DRICH1: variants seen among roughly 807,000 people sequenced by gnomAD.
The protein encoded by DRICH1 is aspartate rich 1, also known as aspartate-rich protein 1.
In DRICH1, 38 loss-of-function variants were observed where a neutral mutation model predicts 39.5. The ratio of observed to expected loss-of-function variants is 0.96; its 90% CI spans 0.74 to 1.26. The LOEUF is 1.26. DRICH1 is among the 50% of genes most tolerant of loss of function. DRICH1 has a pLI of 0.00. For synonymous variants in DRICH1, 84 were observed against 99.5 expected, an observed-to-expected ratio of 0.84 and a Z score of 0.93; for missense variants, 279 against 270.4, an observed-to-expected ratio of 1.03 and a Z score of -0.22.
At chr22:23,599,306 C>T in the DRICH1 span, among the ~76,000 whole-genome samples, 1 of 152,200 alleles carries the variant, frequency 6.6e-6, no homozygotes, top group Non-Finnish European at 1.5e-5. Flanking sequence ...CCTGGTCTAC[C>T]GTCCAACCCA....
Position 23,614,273 on chromosome 22 carries a change from G to A in DRICH1, c.542-59C>T, listed in dbSNP as rs965176099. ...GTGGTTGGTGACTCTGAGTCACTCG[G>A]GGAGCTTTGCTGGATGTGGTGTATG... is the stretch of plus-strand genomic sequence containing the variant. On this transcript the variant is annotated intron_variant, in intron 8 of 11. Coordinates refer to ENST00000317749, the MANE Select transcript of DRICH1 (RefSeq NM_016449.4). 3 of 1,255,028 alleles carry A rather than the reference G, an allele frequency of 2.4e-6. No individual in the cohort carries two copies. The African/African-American group carries it at 4.4e-5, about 18-fold the overall frequency. 77.7% of individuals were successfully genotyped at this position (1,255,028 alleles called of 1,614,324 possible).
At chr22:23,593,508 T>C in the DRICH1 span, among the ~76,000 whole-genome samples, 1 of 151,956 alleles carries the variant, frequency 6.6e-6, no homozygotes. Flanking sequence ...CTACTAAAAA[T>C]ACAAAAATTA....
the DRICH1 span, among the ~76,000 whole-genome samples, chr22:23,584,031 C>T: frequency 6.0e-3 from 907 of 152,358 alleles, 24 homozygotes; most frequent in Admixed American, 0.041. Flanking sequence ...GGCCTCTCAA[C>T]AGAGGCAGCC....
At chr22:23,600,045 C>T in the DRICH1 span, among the ~76,000 whole-genome samples, 8,155 of 152,076 alleles carry the variant, frequency 0.054, 399 homozygotes, top group African/African-American at 0.12. Context: ...TGTGTGTGTA[C>T]GGACAGATAT....
chr22:23,632,481 GC>G (rs1232919763), upstream of DRICH1, among the ~76,000 whole-genome samples: 3 of 152,098 alleles, frequency 2.0e-5, no homozygotes, highest in Non-Finnish European at 4.4e-5. Flanking sequence ...CCACCTTGTG[GC>G]CCCCCTGCCC....
intron 1 of DRICH1, among the ~76,000 whole-genome samples, chr22:23,626,519 A>G (rs2123793514): frequency 6.6e-6 from 1 of 152,322 alleles, no homozygotes; most frequent in South Asian, 2.1e-4. Context: ...TTCCAAAGCA[A>G]CAGGTGTCAC....
At chr22:23,629,517 T>C (rs1462437936) in intron 1 of DRICH1, among the ~76,000 whole-genome samples, 1 of 152,160 alleles carries the variant, frequency 6.6e-6, no homozygotes, top group Non-Finnish European at 1.5e-5. Context: ...AGGTCTCCAA[T>C]GAGGGTGATC....
chr22:23,630,114 G>A (rs543862576), intron 1 of DRICH1, among the ~76,000 whole-genome samples: 70 of 152,276 alleles, frequency 4.6e-4, no homozygotes, highest in African/African-American at 8.2e-4. Context: ...CTTTCTATGT[G>A]TATTTCACAG....
chr22:23,620,046 A>C (rs79056732), intron 5 of DRICH1, among the ~76,000 whole-genome samples: 4,994 of 152,240 alleles, frequency 0.033, 267 homozygotes, highest in African/African-American at 0.11. Flanking sequence ...TCAGAAAAAT[A>C]AACTTTAAAT....
chr22:23,623,177 C>T (rs918786674), intron 3 of DRICH1, among the ~76,000 whole-genome samples: 2 of 151,968 alleles, frequency 1.3e-5, no homozygotes, highest in Non-Finnish European at 2.9e-5. Context: ...GAGGCTGAGG[C>T]GGGCAGATCA....
chr22:23,600,076 A>C, the DRICH1 span, among the ~76,000 whole-genome samples: 1 of 152,092 alleles, frequency 6.6e-6, no homozygotes, highest in African/African-American at 2.4e-5. Flanking sequence ...AGACTGATGG[A>C]AAAACGGATA....
downstream of DRICH1, among the ~76,000 whole-genome samples, chr22:23,607,459 C>G (rs543726957): frequency 9.3e-4 from 142 of 152,024 alleles, no homozygotes; most frequent in African/African-American, 3.3e-3. Flanking sequence ...ACACTGGGAC[C>G]CTCATTGTGA....
downstream of DRICH1, among the ~76,000 whole-genome samples, chr22:23,604,246 C>A (rs1328022144): frequency 6.6e-6 from 1 of 151,970 alleles, no homozygotes; most frequent in Non-Finnish European, 1.5e-5. Context: ...GCTCTCAGAC[C>A]ACCTTGGCCC....
intron 2 of DRICH1, among the ~76,000 whole-genome samples, chr22:23,625,685 A>C (rs1362418037): frequency 6.6e-6 from 1 of 152,150 alleles, no homozygotes; most frequent in Non-Finnish European, 1.5e-5. Context: ...ACAACCATAA[A>C]AAAAAATACC....
intron 6 of DRICH1, among the ~76,000 whole-genome samples, chr22:23,619,033 G>A (rs1188103544): frequency 2.0e-5 from 3 of 151,970 alleles, no homozygotes; most frequent in South Asian, 2.1e-4. Context: ...TTAGCTGGAC[G>A]TGGTGGCATG....
intron 11 of DRICH1, among the ~76,000 whole-genome samples, chr22:23,609,382 T>C (rs905032710): frequency 1.3e-5 from 2 of 152,160 alleles, no homozygotes; most frequent in Non-Finnish European, 2.9e-5. Flanking sequence ...ATACTGAAAA[T>C]AAGTGCCTTG....
intron 8 of DRICH1, among the ~76,000 whole-genome samples, chr22:23,615,715 A>G (rs1248599460): frequency 1.3e-5 from 2 of 152,240 alleles, no homozygotes; most frequent in African/African-American, 4.8e-5. Context: ...TGTTAAAACA[A>G]TAGTGTTAGA....
In DRICH1 at chr22:23,622,084, G is replaced by C; in HGVS notation, c.384+7C>G. ...TTTCCTTAGAAGACAAAGAAAGATT[G>C]TCTTACCTGGGCATCATCATCATCA... On this transcript the variant is annotated splice_region_variant and intron_variant, in intron 4 of 11. Transcript: ENST00000317749. The C allele has an allele frequency of 6.2e-7, 1 of 1,610,080 alleles. No individual in the cohort carries two copies. Among genetic ancestry groups the C allele is most frequent in the East Asian group, 2.2e-5 (1 of 44,728 alleles).
At chr22:23,597,734 GACCCAAGGT>G in the DRICH1 span, among the ~76,000 whole-genome samples, 1 of 150,182 alleles carries the variant, frequency 6.7e-6, no homozygotes, top group African/African-American at 2.4e-5. Flanking sequence ...AGAGCTCCAG[GACCCAAGGT>G]GGAGCTCAGG....
Sources: gnomAD v4.1 joint callset for allele counts (sites outside exome capture counted in the v4.1 genomes callset) on GRCh38, gnomAD v4.1.1 for gene constraint, MANE v1.5 for transcripts, NCBI Gene and HGNC (gene_info 2026-07-23, HGNC 2026-07-21) for gene names.